GRIK2: variants seen among roughly 807,000 people sequenced by gnomAD.
The protein encoded by GRIK2 is glutamate ionotropic receptor kainate type subunit 2, also known as glutamate receptor ionotropic, kainate 2.
A neutral mutation model predicts 100.3 loss-of-function variants in GRIK2; 32 were observed. The ratio of observed to expected loss-of-function variants is 0.32; its 90% CI spans 0.24 to 0.43. GRIK2 has a LOEUF of 0.43. Among genes scored for constraint, GRIK2 ranks in the 20% least tolerant of loss-of-function variants. GRIK2 has a pLI of 1.00. For synonymous variants in GRIK2, 417 were observed against 389.4 expected, an observed-to-expected ratio of 1.07 and a Z score of -0.83; for missense variants, 843 against 1,114.9, an observed-to-expected ratio of 0.76 and a Z score of 3.47.
intron 9 of GRIK2, among the ~76,000 whole-genome samples, chr6:101,812,576 G>A (rs1189594468): frequency 3.9e-5 from 6 of 151,942 alleles, no homozygotes; most frequent in South Asian, 2.1e-4. Flanking sequence ...TATAAAGCCC[G>A]TAGGATGTCC....
intron 7 of GRIK2, among the ~76,000 whole-genome samples, chr6:101,779,518 G>GA (rs1778949822): frequency 6.6e-6 from 1 of 152,116 alleles, no homozygotes; most frequent in South Asian, 2.1e-4. Context: ...GTTTTTGGCT[G>GA]AAAAACATTT....
chr6:101,487,976 T>G (rs1772915132), intron 2 of GRIK2, among the ~76,000 whole-genome samples: 1 of 146,620 alleles, frequency 6.8e-6, no homozygotes, highest in Admixed American at 6.8e-5. Context: ...CTTTTGATTT[T>G]TGGCTAAAAA....
At chr6:101,683,201 G>GAA (rs201133138) in intron 6 of GRIK2, among the ~76,000 whole-genome samples, 19 of 143,728 alleles carry the variant, frequency 1.3e-4, no homozygotes, top group South Asian at 8.6e-4. Context: ...ACTCCATCTA[G>GAA]AAAAAAAAAA....
intron 2 of GRIK2, among the ~76,000 whole-genome samples, chr6:101,545,924 G>A (rs955436549): frequency 2.8e-5 from 4 of 145,142 alleles, no homozygotes; most frequent in African/African-American, 1.0e-4. Flanking sequence ...TTGCTTATCT[G>A]TGCTGCCATT....
chr6:101,831,691 T>C (rs1263867946), intron 10 of GRIK2, among the ~76,000 whole-genome samples: 4 of 152,186 alleles, frequency 2.6e-5, no homozygotes, highest in African/African-American at 9.6e-5. Context: ...CTTGTGACTG[T>C]GAATTAGAAC....
At chr6:101,692,909 T>C (rs1333389337) in intron 7 of GRIK2, among the ~76,000 whole-genome samples, 1 of 152,060 alleles carries the variant, frequency 6.6e-6, no homozygotes, top group East Asian at 1.9e-4. Flanking sequence ...TATATATGCT[T>C]GATTTAATGA....
At chr6:101,595,716 GTGTATATA>G (rs1368120922) in intron 2 of GRIK2, among the ~76,000 whole-genome samples, 1 of 133,766 alleles carries the variant, frequency 7.5e-6, no homozygotes. Flanking sequence ...GTGTGTGTGT[GTGTATATA>G]TATATATATA....
intron 7 of GRIK2, among the ~76,000 whole-genome samples, chr6:101,751,518 GA>G (rs1776784165): frequency 6.6e-6 from 1 of 151,840 alleles, no homozygotes; most frequent in Non-Finnish European, 1.5e-5. Context: ...CAAAATACCA[GA>G]ATACTACCTA....
intron 14 of GRIK2, among the ~76,000 whole-genome samples, chr6:101,938,430 C>T (rs1262596111): frequency 6.6e-6 from 1 of 152,062 alleles, no homozygotes; most frequent in East Asian, 1.9e-4. Flanking sequence ...GTGTTGATAA[C>T]TGCAAACTGA....
intron 9 of GRIK2, among the ~76,000 whole-genome samples, chr6:101,808,928 A>C (rs1781162532): frequency 6.6e-6 from 1 of 151,692 alleles, no homozygotes; most frequent in Admixed American, 6.6e-5. Context: ...TTAAAAAAAA[A>C]TACAGAAAGA....
rs1438047502 is a variant in GRIK2 at position 101,622,058 on chromosome 6, C to T, written c.225C>T (p.Thr75=). ...NRNRTLLPNT[T]LTYDTQKINL... ...ACAGAACATTGCTACCCAATACTAC[C>T]CTTACCTATGATACCCAGAAGATAA... The change falls in exon 3 of 17, where the codon ACC becomes ACT. Residue 75 remains threonine (T), a synonymous_variant. Transcript: ENST00000369134. The T allele has an allele frequency of 3.7e-6, 6 of 1,601,976 alleles. No individual in the cohort carries two copies. The highest frequency in any genetic ancestry group is 5.1e-6 in the Non-Finnish European group (6 of 1,169,212).
At chr6:101,501,373 T>C (rs960079699) in intron 2 of GRIK2, among the ~76,000 whole-genome samples, 3 of 152,230 alleles carry the variant, frequency 2.0e-5, no homozygotes, top group Non-Finnish European at 4.4e-5. Flanking sequence ...GTTAATATAA[T>C]GCATATTGTA....
At chr6:101,802,080 C>T (rs2128414544) in intron 8 of GRIK2, among the ~76,000 whole-genome samples, 1 of 151,778 alleles carries the variant, frequency 6.6e-6, no homozygotes, top group South Asian at 2.1e-4. Context: ...AATACAATGT[C>T]TCCTAGACAG....
chr6:101,428,184 T>C (rs1442999639), intron 2 of GRIK2, among the ~76,000 whole-genome samples: 1 of 152,208 alleles, frequency 6.6e-6, no homozygotes, highest in Non-Finnish European at 1.5e-5. Context: ...TGAAACACGT[T>C]AAAAATAAAA....
intron 7 of GRIK2, 27 bp from the exon 8 acceptor site, chr6:101,799,621 T>C: frequency 6.3e-7 from 1 of 1,597,722 alleles, no homozygotes; most frequent in South Asian, 1.1e-5. Flanking sequence ...ATATTGACTA[T>C]AAATTTCCCT....
chr6:101,402,677 G>A (rs932708562), intron 2 of GRIK2, among the ~76,000 whole-genome samples: 2 of 152,176 alleles, frequency 1.3e-5, no homozygotes, highest in Admixed American at 1.3e-4. Flanking sequence ...CGGGCAAGGT[G>A]CATTTTAGAG....
intron 14 of GRIK2, among the ~76,000 whole-genome samples, chr6:101,986,900 G>C (rs1378613674): frequency 6.6e-6 from 1 of 151,882 alleles, no homozygotes; most frequent in Non-Finnish European, 1.5e-5. Context: ...ACTACTTTGA[G>C]AGGCAAAGCC....
chr6:101,506,958 C>T (rs1447710827), intron 2 of GRIK2, among the ~76,000 whole-genome samples: 1 of 152,124 alleles, frequency 6.6e-6, no homozygotes, highest in East Asian at 1.9e-4. Context: ...ATTCAGACCA[C>T]TCTCTGGAGA....
chr6:101,843,765 T>C (rs1460626654), intron 10 of GRIK2, among the ~76,000 whole-genome samples: 1 of 152,192 alleles, frequency 6.6e-6, no homozygotes, highest in Non-Finnish European at 1.5e-5. Context: ...TTTCTGGGGG[T>C]AAGGCCCAGA....
Sources: gnomAD v4.1 joint callset for allele counts (sites outside exome capture counted in the v4.1 genomes callset) on GRCh38, gnomAD v4.1.1 for gene constraint, MANE v1.5 for transcripts, NCBI Gene and HGNC (gene_info 2026-07-23, HGNC 2026-07-21) for gene names.